Variants in MEX3B observed in about 807,000 individuals in gnomAD.
MEX3B encodes mex-3 RNA binding family member B, also known as RNA-binding protein MEX3B.
A neutral mutation model predicts 12.2 loss-of-function variants in MEX3B; 10 were observed. The observed-to-expected ratio is 0.82, with a 90% CI of 0.51 to 1.40. The LOEUF is 1.40. Among genes scored for constraint, MEX3B ranks in the 40% most tolerant of loss-of-function variants. MEX3B has a pLI of 0.00. For missense variants in MEX3B, 839 were observed against 801.4 expected, an observed-to-expected ratio of 1.05 and a Z score of -0.57; for synonymous variants, 498 against 356.3, an observed-to-expected ratio of 1.40 and a Z score of -4.48.
rs1217377144 is a variant in MEX3B, at chr15:82,043,416, A to C, written c.1454T>G (p.Leu485Trp). 6.4e-7 allele frequency: 1 copy of C among 1,574,342 alleles called. No individual in the cohort carries two copies. Among genetic ancestry groups the C allele is most frequent in the East Asian group, 2.3e-5 (1 of 42,882 alleles). ...ANGLGAQLPG[L>W]QPSDTSGSSS... ...GGAGCCCGACGTGTCCGACGGCTGC[A>C]AGCCAGGCAGCTGTGCCCCCAGCCC... Residue 485 changes from leucine (L) to tryptophan (W), a missense_variant, in exon 2 of 2, where the codon TTG (leucine) becomes TGG (tryptophan). By Grantham distance (61) the Leu-to-Trp change is moderately conservative. Coordinates refer to ENST00000329713, the MANE Select transcript of MEX3B (RefSeq NM_032246.6).
rs781410998 is a variant in MEX3B at position 82,043,838 on chromosome 15, C to T, written c.1032G>A (p.Ala344=). ...NNNGNGYTYT[A]GGEASVPSPD... is the part of the protein sequence containing the mutation. ...GGGATGGCACTGAGGCTTCTCCCCC[C>T]GCTGTGTAGGTGTACCCATTGCCGT... Residue 344 remains alanine (A), a synonymous_variant, in exon 2 of 2, where the codon GCG becomes GCA. Transcript: ENST00000329713. 3 of 1,592,040 alleles carry T rather than the reference C, an allele frequency of 1.9e-6. No individual in the cohort carries two copies. The highest frequency in any genetic ancestry group is 1.3e-5 in the African/African-American group (1 of 74,444).
At position 82,044,455 on chromosome 15, in the gene MEX3B, C is replaced by T; in HGVS notation, c.415G>A (p.Ala139Thr). 1.2e-6 allele frequency: 2 copies of T among 1,613,414 alleles called. No homozygotes were observed. Among genetic ancestry groups the T allele is most frequent in the Non-Finnish European group, 1.7e-6 (2 of 1,180,010 alleles). ...AGTGCCGTGTTCTTATTCCGGGAGGCGCGGATCATGGAGAAGTGCTCGGCA... is the reference window on the plus strand; with the variant it reads ...AGTGCCGTGTTCTTATTCCGGGAGGTGCGGATCATGGAGAAGTGCTCGGCA... ...SAAEHFSMIR[A>T]SRNKNTALNG... is the part of the protein sequence containing the mutation. The change falls in exon 2 of 2, where the codon GCC becomes ACC. Residue 139 changes from alanine to threonine, a missense_variant. This residue lies in a region of MEX3B where 214 missense variants were observed against 223.8 expected (regional missense o/e 0.96). Coordinates refer to ENST00000329713, the MANE Select transcript of MEX3B (RefSeq NM_032246.6). The surrounding 1 kb of genome is among the most constrained non-coding windows in gnomAD (Gnocchi z 5.3).
Position 82,044,396 on chromosome 15 carries a change from G to A in MEX3B, c.474C>T (p.Pro158=), listed in dbSNP as rs150056726. 15 of 1,611,142 alleles carry A rather than the reference G, an allele frequency of 9.3e-6. No individual in the cohort carries two copies. The highest frequency in any genetic ancestry group is 1.2e-5 in the Non-Finnish European group (14 of 1,179,422). The change falls in exon 2 of 2, where the codon CCC becomes CCT. Residue 158 remains proline, a synonymous_variant. Coordinates refer to ENST00000329713, the MANE Select transcript of MEX3B (RefSeq NM_032246.6). This position sits in a 1 kb window ranked among gnomAD's most constrained non-coding sequence, Gnocchi z 5.3. ...NGAVPGPPNL[P]GQTTIQVRVP... ...CCCGCACTTGGATGGTGGTCTGCCC[G>A]GGCAGGTTGGGCGGCCCAGGCACCG... is the stretch of plus-strand genomic sequence containing the variant.
Position 82,045,534 on chromosome 15 carries a change from C to A in MEX3B, c.172G>T (p.Glu58Ter). 6.2e-7 allele frequency: 1 copy of A among 1,612,502 alleles called. No individual in the cohort carries two copies. The highest frequency in any genetic ancestry group is 1.1e-5 in the South Asian group (1 of 90,924). ...SDEGASLYDS[E>*]PRKKSVNMTE... ...ATGTTCACGCTCTTCTTGCGCGGCTCGCTGTCGTACAGAGAGGCGCCCTCG... is the reference window on the plus strand; with the variant it reads ...ATGTTCACGCTCTTCTTGCGCGGCTAGCTGTCGTACAGAGAGGCGCCCTCG... The change falls in exon 1 of 2, where the codon GAG (glutamate) becomes TAG (stop). Residue 58 changes from glutamate (E) to a stop codon, truncating the protein, a stop_gained. Coordinates refer to ENST00000329713, the MANE Select transcript of MEX3B (RefSeq NM_032246.6). LOFTEE classifies it high-confidence loss of function.
Position 82,044,589 on chromosome 15 carries a change from G to C in MEX3B, c.281C>G (p.Ala94Gly). ...RQGCKIKALR[A>G]KTNTYIKTPV... is the part of the protein sequence containing the mutation. The stretch of plus-strand genomic sequence containing the variant: ...GGTCTTGATGTAAGTATTGGTCTTC[G>C]CCCGCAGCGCTTTGATTTTACAACC... Residue 94 changes from alanine (A) to glycine (G), a missense_variant, in exon 2 of 2, where the codon GCG (alanine) becomes GGG (glycine). By Grantham distance (60) the Ala-to-Gly change is moderately conservative (BLOSUM62 0). Around this residue, in one of 3 missense-constraint regions of MEX3B, gnomAD observed 214 missense variants for 223.8 expected, o/e 0.96. Coordinates refer to ENST00000329713, the MANE Select transcript of MEX3B (RefSeq NM_032246.6). The surrounding 1 kb of genome is among the most constrained non-coding windows in gnomAD (Gnocchi z 5.3). The C allele has an allele frequency of 1.9e-6, 3 of 1,614,152 alleles. No homozygotes were observed. Among genetic ancestry groups the C allele is most frequent in the Non-Finnish European group, 2.5e-6 (3 of 1,180,040 alleles).
chr15:82,043,325 G>A lies in MEX3B; in HGVS notation c.1545C>T (p.Ser515=), dbSNP rs1218820838. The A allele has an allele frequency of 2.5e-6, 4 of 1,606,456 alleles. No individual in the cohort carries two copies. The highest frequency in any genetic ancestry group is 2.2e-5 in the East Asian group (1 of 44,816). The change falls in exon 2 of 2, where the codon AGC becomes AGT. Residue 515 remains serine (S), a synonymous_variant. Coordinates refer to ENST00000329713, the MANE Select transcript of MEX3B (RefSeq NM_032246.6). ...SSSSGLRRKG[S]RDCSVCFESE... Reference sequence around the variant, plus strand: ...TCTCGAAGCACACGGAGCAGTCGCGGCTGCCTTTACGCCGAAGCCCGGAGG... The same window carrying A: ...TCTCGAAGCACACGGAGCAGTCGCGACTGCCTTTACGCCGAAGCCCGGAGG...
rs1303157525 is a variant in MEX3B, at chr15:82,043,358, T to C, written c.1512A>G (p.Ser504=). 1 of 1,591,580 alleles carries C rather than the reference T, an allele frequency of 6.3e-7. No homozygotes were observed. Among genetic ancestry groups the C allele is most frequent in the East Asian group, 2.2e-5 (1 of 44,650 alleles). ...SSSSSSSSSS[S]SSSSGLRRKG... ...TACGCCGAAGCCCGGAGGAAGAGGA[T>C]GAAGAGCTGGAGGAGGAGCTGGACG... Residue 504 remains serine (S), a synonymous_variant, in exon 2 of 2, where the codon TCA becomes TCG. Coordinates refer to ENST00000329713, the MANE Select transcript of MEX3B (RefSeq NM_032246.6).
chr15:82,043,737 G>C lies in MEX3B; in HGVS notation c.1133C>G (p.Ala378Gly), dbSNP rs1427744815. The C allele has an allele frequency of 1.3e-6, 2 of 1,573,068 alleles. No homozygotes were observed. The highest frequency in any genetic ancestry group is 2.7e-5 in the African/African-American group (2 of 73,688). Residue 378 changes from alanine (A) to glycine (G), a missense_variant, in exon 2 of 2, where the codon GCC becomes GGC. Physicochemically the swap from Ala to Gly is moderately conservative, Grantham distance 60. Coordinates refer to ENST00000329713, the MANE Select transcript of MEX3B (RefSeq NM_032246.6). Reference protein sequence around the residue: ...APPPGAPLIWAQFERSPGGGP... With the variant: ...APPPGAPLIWGQFERSPGGGP... The stretch of plus-strand genomic sequence containing the variant: ...GCCTCCCGGGGACCGCTCGAACTGG[G>C]CCCAGATAAGTGGTGCCCCAGGTGG...
Position 82,044,982 on chromosome 15 carries a change from C to T in MEX3B, c.257-369G>A, listed in dbSNP as rs987183039. On this transcript the variant is annotated intron_variant, in intron 1 of 1. Coordinates refer to ENST00000329713, the MANE Select transcript of MEX3B (RefSeq NM_032246.6). The surrounding 1 kb of genome is among the most constrained non-coding windows in gnomAD (Gnocchi z 5.3). Reference sequence around the variant, plus strand: ...GGGGCTCGGGGAAGGCAGCTGAAGTCGCGATGCCTCAGCGCTGGTCGACTG... The same window carrying T: ...GGGGCTCGGGGAAGGCAGCTGAAGTTGCGATGCCTCAGCGCTGGTCGACTG... 6 of 577,976 alleles carry T rather than the reference C, an allele frequency of 1.0e-5. No individual in the cohort carries two copies. The East Asian group carries it at 1.2e-4, about 11-fold the overall frequency. The allele number at this position is 577,976 out of a possible 1,614,324, so 35.8% of individuals were successfully genotyped here.
chr15:82,044,416 G>T lies in MEX3B; in HGVS notation c.454C>A (p.Pro152Thr). The change falls in exon 2 of 2, where the codon CCT becomes ACT. Residue 152 changes from proline (P) to threonine (T), a missense_variant. Coordinates refer to ENST00000329713, the MANE Select transcript of MEX3B (RefSeq NM_032246.6). This position sits in a 1 kb window ranked among gnomAD's most constrained non-coding sequence, Gnocchi z 5.3. The part of the protein sequence containing the change: ...NKNTALNGAV[P>T]GPPNLPGQTT... ...TGCCCGGGCAGGTTGGGCGGCCCAG[G>T]CACCGCGCCGTTGAGTGCCGTGTTC... is the stretch of plus-strand genomic sequence containing the variant. 6.2e-7 allele frequency: 1 copy of T among 1,611,948 alleles called. No individual in the cohort carries two copies.
chr15:82,043,677 G>A lies in MEX3B; in HGVS notation c.1193C>T (p.Ser398Phe). The change falls in exon 2 of 2, where the codon TCT becomes TTT. Residue 398 changes from serine (S) to phenylalanine (F), a missense_variant. By Grantham distance (155) the Ser-to-Phe change is radical. This residue lies in a region of MEX3B where 573 missense variants were observed against 488.9 expected (regional missense o/e 1.17). Coordinates refer to ENST00000329713, the MANE Select transcript of MEX3B (RefSeq NM_032246.6). ...GGAAGAAGCAGACGAAGATGCAGAA[G>A]AAGAGCAGGAAGAAGATACCGGAGC... The part of the protein sequence containing the change: ...PAAPVSSSCS[S>F]SASSSASSSS... The A allele has an allele frequency of 2.5e-6, 4 of 1,608,750 alleles. No homozygotes were observed. The East Asian group carries it at 6.7e-5, about 27-fold the overall frequency.
In MEX3B at chr15:82,043,606, C is replaced by T; in HGVS notation, c.1264G>A (p.Ala422Thr). The T allele has an allele frequency of 1.3e-6, 2 of 1,592,118 alleles. No individual in the cohort carries two copies. Among genetic ancestry groups the T allele is most frequent in the South Asian group, 1.1e-5 (1 of 88,296 alleles). The change falls in exon 2 of 2, where the codon GCC (alanine) becomes ACC (threonine). Residue 422 changes from alanine to threonine, a missense_variant. Physicochemically the swap from Ala to Thr is moderately conservative, Grantham distance 58 (BLOSUM62 0). Transcript: ENST00000329713. ...CGGTGCACCAATAGCCCCAGGTTGG[C>T]GTTGGAGGGCGCACTGGCGCCACCC... The part of the protein sequence containing the change: ...PGGGASAPSN[A>T]NLGLLVHRRL...
Position 82,043,941 on chromosome 15 carries a change from G to A in MEX3B, c.929C>T (p.Ala310Val), listed in dbSNP as rs763707689. The A allele has an allele frequency of 5.6e-6, 9 of 1,605,744 alleles. 1 individual carries two copies. In the East Asian group the frequency reaches 2.0e-4, roughly 36 times the overall value. The change falls in exon 2 of 2, where the codon GCG (alanine) becomes GTG (valine). Residue 310 changes from alanine to valine, a missense_variant. By Grantham distance (64) the Ala-to-Val change is moderately conservative. Transcript: ENST00000329713. Reference sequence around the variant, plus strand: ...GTAGTCCGCCAGGCGCTGGGTAGCCGCTGCGCTGCTGCTGGTCCCGCCGCC... The same window carrying A: ...GTAGTCCGCCAGGCGCTGGGTAGCCACTGCGCTGCTGCTGGTCCCGCCGCC... ...YFGGGTSSSA[A>V]ATQRLADYSP...
At position 82,045,768 on chromosome 15, in the gene MEX3B, C is replaced by CA; in HGVS notation, c.-64dup. The CA allele has an allele frequency of 7.6e-7, 1 of 1,312,442 alleles. No homozygotes were observed. Among genetic ancestry groups the CA allele is most frequent in the Non-Finnish European group, 9.6e-7 (1 of 1,039,202 alleles). 81.3% of individuals were successfully genotyped at this position (1,312,442 alleles called of 1,614,324 possible). Reference sequence around the variant, plus strand: ...GCTCGGCGGCGAGAAGCTGCGGCCACAAAGGCAGCCGGGAAGCGGGTGGTC... The same window carrying CA: ...GCTCGGCGGCGAGAAGCTGCGGCCACAAAAGGCAGCCGGGAAGCGGGTGGTC... On this transcript the variant is annotated 5_prime_UTR_variant, in exon 1 of 2. Coordinates refer to ENST00000329713, the MANE Select transcript of MEX3B (RefSeq NM_032246.6).
In MEX3B at chr15:82,044,475, T is replaced by A; in HGVS notation, c.395A>T (p.Glu132Val). Residue 132 changes from glutamate (E) to valine (V), a missense_variant, in exon 2 of 2, where the codon GAG becomes GTG. Coordinates refer to ENST00000329713, the MANE Select transcript of MEX3B (RefSeq NM_032246.6). The surrounding 1 kb of genome is among the most constrained non-coding windows in gnomAD (Gnocchi z 5.3). Reference protein sequence around the residue: ...MARREIISAAEHFSMIRASRN... With the variant: ...MARREIISAAVHFSMIRASRN... ...GGAGGCGCGGATCATGGAGAAGTGC[T>A]CGGCAGCAGAGATGATCTCCCTCCG... The A allele has an allele frequency of 6.2e-7, 1 of 1,613,772 alleles. No homozygotes were observed. The highest frequency in any genetic ancestry group is 8.5e-7 in the Non-Finnish European group (1 of 1,180,008).
chr15:82,045,393 C>A (rs1322968918), intron 1 of MEX3B, 57 bp downstream of exon 1: 2 of 1,553,554 alleles, frequency 1.3e-6, no homozygotes, highest in Non-Finnish European at 1.7e-6. Flanking sequence ...CCCCTCGAGG[C>A]AGTGGCCTGA....
intron 1 of MEX3B, chr15:82,045,235 G>T (rs1348175405): frequency 1.5e-6 from 1 of 677,312 alleles, no homozygotes; most frequent in Non-Finnish European, 2.6e-6. Flanking sequence ...GATTTTAGCA[G>T]AAGAAAGTGC....
At chr15:82,045,338 C>A in intron 1 of MEX3B, 112 bp downstream of exon 1, 1 of 1,331,180 alleles carries the variant, frequency 7.5e-7, no homozygotes, top group Non-Finnish European at 1.0e-6. Flanking sequence ...CTTCCTCTCT[C>A]CCCAAGGCAC....
In MEX3B at chr15:82,043,801, G is replaced by A; in HGVS notation, c.1069C>T (p.Pro357Ser). Residue 357 changes from proline to serine, a missense_variant, in exon 2 of 2, where the codon CCC becomes TCC. Pro to Ser is a moderately conservative substitution (Grantham distance 74). Coordinates refer to ENST00000329713, the MANE Select transcript of MEX3B (RefSeq NM_032246.6). ...EASVPSPDGC[P>S]ELQPTFDPAP... ...GGGTCAAAAGTGGGCTGCAGCTCGG[G>A]GCAGCCGTCGGGGGATGGCACTGAG... 1 of 1,585,076 alleles carries A rather than the reference G, an allele frequency of 6.3e-7. No homozygotes were observed. The highest frequency in any genetic ancestry group is 8.6e-7 in the Non-Finnish European group (1 of 1,166,390).
Sources: allele counts gnomAD v4.1 joint callset, GRCh38; gene constraint gnomAD v4.1.1; regional missense constraint gnomAD v4.1.1; non-coding constraint Gnocchi (gnomAD v3.1); transcripts MANE v1.5; gene names NCBI Gene and HGNC (gene_info 2026-07-23, HGNC 2026-07-21).